The following FRMD4B variants were observed in gnomAD, a reference collection of about 807,000 sequenced individuals.
FRMD4B encodes the protein FERM domain containing 4B, also known as FERM domain-containing protein 4B.
In FRMD4B, 74 loss-of-function variants were observed where a neutral mutation model predicts 141.5. The ratio of observed to expected loss-of-function variants is 0.52; its 90% confidence interval spans 0.43 to 0.63. The LOEUF (loss-of-function observed/expected upper bound fraction) is 0.63. Ranked by LOEUF, FRMD4B falls within the 30% of genes least tolerant of loss-of-function variation. The pLI is 0.00. For synonymous variants in FRMD4B, 506 were observed against 467.9 expected, an observed-to-expected ratio of 1.08 and a Z score of -1.05; for missense variants, 1,366 against 1,253.4, an observed-to-expected ratio of 1.09 and a Z score of -1.36.
intron 1 of FRMD4B, among the ~76,000 whole-genome samples, chr3:69,476,502 T>C (rs909646797): frequency 2.6e-5 from 4 of 152,228 alleles, no homozygotes; most frequent in African/African-American, 4.8e-5. Context: ...TTGTCAAAGA[T>C]CAGATAGTTG....
intron 11 of FRMD4B, among the ~76,000 whole-genome samples, chr3:69,208,058 T>G (rs1468030703): frequency 2.0e-5 from 3 of 151,838 alleles, no homozygotes; most frequent in African/African-American, 7.3e-5. Context: ...TTTTGTATTT[T>G]TATTTTTATT....
intron 1 of FRMD4B, among the ~76,000 whole-genome samples, chr3:69,344,248 A>G (rs1702851353): frequency 6.6e-6 from 1 of 152,182 alleles, no homozygotes; most frequent in Non-Finnish European, 1.5e-5. Context: ...ATATACTGCC[A>G]GTGGCTCTAC....
At chr3:69,387,620 A>C (rs1704291099), upstream of FRMD4B, among the ~76,000 whole-genome samples, 1 of 152,186 alleles carries the variant, frequency 6.6e-6, no homozygotes, top group Non-Finnish European at 1.5e-5. Flanking sequence ...ACTAGCCCAG[A>C]AGACTCCAGA....
intron 1 of FRMD4B, among the ~76,000 whole-genome samples, chr3:69,483,174 T>A (rs993169271): frequency 6.6e-6 from 1 of 152,232 alleles, no homozygotes; most frequent in Non-Finnish European, 1.5e-5. Flanking sequence ...TCTTAGTTAC[T>A]AAGTATGTAT....
intron 3 of FRMD4B, among the ~76,000 whole-genome samples, chr3:69,304,763 C>T (rs1311646075): frequency 6.6e-6 from 1 of 152,114 alleles, no homozygotes; most frequent in Admixed American, 6.6e-5. Flanking sequence ...CATAGACCCT[C>T]TTTTACTTGC....
At chr3:69,520,108 TATATATATATGATGGA>T (rs1430983257) in intron 1 of FRMD4B, among the ~76,000 whole-genome samples, 1,871 of 121,144 alleles carry the variant, frequency 0.015, 69 homozygotes, top group East Asian at 0.038. Context: ...TAAAATGGAC[TATATATATATGATGGA>T]ATATATATAT....
chr3:69,224,584 C>T (rs764876141), intron 8 of FRMD4B, 23 bp downstream of exon 8: 4 of 1,146,042 alleles, frequency 3.5e-6, no homozygotes, highest in Middle Eastern at 3.9e-4. Flanking sequence ...AAATGAGACA[C>T]CTGTTATGTG....
chr3:69,494,178 C>T (rs998778597), intron 1 of FRMD4B, among the ~76,000 whole-genome samples: 2 of 152,198 alleles, frequency 1.3e-5, no homozygotes, highest in Admixed American at 6.5e-5. Context: ...CAGCACCCAA[C>T]CATGATAGTA....
At chr3:69,344,050 C>T (rs1019667506) in intron 1 of FRMD4B, among the ~76,000 whole-genome samples, 2 of 152,178 alleles carry the variant, frequency 1.3e-5, no homozygotes, top group South Asian at 4.1e-4. Flanking sequence ...AGTACATACC[C>T]AGGGAATATG....
intron 4 of FRMD4B, among the ~76,000 whole-genome samples, chr3:69,291,124 G>A (rs1419046966): frequency 6.6e-6 from 1 of 152,182 alleles, no homozygotes; most frequent in Non-Finnish European, 1.5e-5. Flanking sequence ...AGTTAGAGTA[G>A]TCTCAGAAGG....
chr3:69,457,539 C>T (rs1320139584), intron 1 of FRMD4B, among the ~76,000 whole-genome samples: 2 of 152,184 alleles, frequency 1.3e-5, no homozygotes, highest in Non-Finnish European at 2.9e-5. Flanking sequence ...CACTGCTTGT[C>T]ATTACTGCAC....
At chr3:69,506,377 C>G (rs1706596460) in intron 1 of FRMD4B, among the ~76,000 whole-genome samples, 1 of 151,804 alleles carries the variant, frequency 6.6e-6, no homozygotes, top group African/African-American at 2.4e-5. Flanking sequence ...GCTGTTATGC[C>G]CATTCTAAGG....
chr3:69,257,346 A>G (rs555082116), intron 5 of FRMD4B, among the ~76,000 whole-genome samples: 1 of 152,284 alleles, frequency 6.6e-6, no homozygotes, highest in African/African-American at 2.4e-5. Flanking sequence ...ATTACACAAT[A>G]TGATATCCCA....
intron 1 of FRMD4B, among the ~76,000 whole-genome samples, chr3:69,478,369 G>A (rs1316834038): frequency 1.3e-5 from 2 of 152,152 alleles, no homozygotes; most frequent in African/African-American, 4.8e-5. Flanking sequence ...TCTACACACT[G>A]CTTTGAATGT....
intron 1 of FRMD4B, among the ~76,000 whole-genome samples, chr3:69,435,807 T>C (rs1469647331): frequency 6.6e-6 from 1 of 152,170 alleles, no homozygotes; most frequent in Admixed American, 6.5e-5. Context: ...AAACTGTGTA[T>C]AGTCAAAATG....
At chr3:69,443,558 G>A (rs1320257940) in intron 1 of FRMD4B, among the ~76,000 whole-genome samples, 1 of 152,146 alleles carries the variant, frequency 6.6e-6, no homozygotes, top group Non-Finnish European at 1.5e-5. Flanking sequence ...CTTGCAATTG[G>A]CATCTGAAAT....
intron 1 of FRMD4B, among the ~76,000 whole-genome samples, chr3:69,507,698 A>G (rs1391463420): frequency 6.6e-6 from 1 of 152,170 alleles, no homozygotes; most frequent in Admixed American, 6.5e-5. Flanking sequence ...AAGGGGCATC[A>G]TAACATAATA....
chr3:69,487,034 A>G (rs1266986220), intron 1 of FRMD4B, among the ~76,000 whole-genome samples: 1 of 152,210 alleles, frequency 6.6e-6, no homozygotes, highest in East Asian at 1.9e-4. Context: ...AACGTCTGAC[A>G]GGGTCAGTGA....
At chr3:69,325,808 G>A (rs1425940503) in intron 1 of FRMD4B, among the ~76,000 whole-genome samples, 3 of 152,138 alleles carry the variant, frequency 2.0e-5, no homozygotes, top group Admixed American at 6.5e-5. Context: ...CTAAGTGCTT[G>A]ACATGTATTA....
Sources: gnomAD v4.1 joint callset for allele counts (sites outside exome capture counted in the v4.1 genomes callset) on GRCh38, gnomAD v4.1.1 for gene constraint, MANE v1.5 for transcripts, NCBI Gene and HGNC (gene_info 2026-07-23, HGNC 2026-07-21) for gene names.